The following NTM variants were observed in gnomAD, a reference collection of about 807,000 sequenced individuals.
NTM encodes the protein IgLON family member 2.
Under a neutral mutation model 42.1 loss-of-function variants are expected in NTM, and 13 were observed. The ratio of observed to expected loss-of-function variants is 0.31; its 90% CI spans 0.20 to 0.49. The LOEUF (loss-of-function observed/expected upper bound fraction) is 0.49. Among genes scored for constraint, NTM ranks in the 20% least tolerant of loss-of-function variants. NTM has a pLI of 0.99. For missense variants in NTM, 373 were observed against 452.8 expected (o/e 0.82, Z 1.60); for synonymous variants, 187 against 179.2 (o/e 1.04, Z -0.35).
chr11:132,313,991 AATG>A (rs2095354658), intron 6 of NTM, among the ~76,000 whole-genome samples: 1 of 152,230 alleles, frequency 6.6e-6, no homozygotes, highest in African/African-American at 2.4e-5. Context: ...AAAATGAGAA[AATG>A]ATGATTTTTC....
intron 1 of NTM, among the ~76,000 whole-genome samples, chr11:131,541,491 A>G (rs2053246162): frequency 6.6e-6 from 1 of 152,240 alleles, no homozygotes; most frequent in Non-Finnish European, 1.5e-5. Flanking sequence ...TAAATGAGCT[A>G]TGTAAACCTA....
intron 1 of NTM, among the ~76,000 whole-genome samples, chr11:131,371,459 C>T (rs974225796): frequency 2.0e-5 from 3 of 151,966 alleles, no homozygotes; most frequent in African/African-American, 7.3e-5. Context: ...TAAATGTGTT[C>T]GGGGGTGTGT....
chr11:131,794,804 T>A, intron 1 of NTM: 1 of 985,408 alleles, frequency 1.0e-6, no homozygotes, highest in Non-Finnish European at 1.2e-6. Flanking sequence ...TGGAAGCCCC[T>A]ACCTAGATTA....
intron 2 of NTM, among the ~76,000 whole-genome samples, chr11:132,060,470 G>T (rs1368596277): frequency 7.4e-6 from 1 of 134,408 alleles, no homozygotes; most frequent in Non-Finnish European, 1.8e-5. Context: ...ACATAGCAGT[G>T]AGAGAAACTG....
chr11:131,856,385 A>G (rs11827438), intron 1 of NTM, among the ~76,000 whole-genome samples: 1,559 of 152,312 alleles, frequency 0.01, 11 homozygotes, highest in Middle Eastern at 0.054. Context: ...AACGAATAAT[A>G]CTCATTTCTT....
chr11:132,038,837 G>A lies in NTM; in HGVS notation c.168-107445G>A, dbSNP rs570238806. On this transcript the variant is annotated intron_variant, in intron 2 of 8. Transcript: ENST00000683400. Reference sequence around the variant, plus strand: ...CTTCCTCACGTCCCTGTGTCCCTCCGTCCCTCCTGCACTCAGCGTCTCCCT... The same window carrying A: ...CTTCCTCACGTCCCTGTGTCCCTCCATCCCTCCTGCACTCAGCGTCTCCCT... 7.2e-5 allele frequency among the ~76,000 whole-genome samples: 11 copies of A among 152,206 alleles called. 1 individual carries two copies. Among genetic ancestry groups the A allele is most frequent in the Admixed American group, 3.3e-4 (5 of 15,288 alleles).
chr11:131,942,016 T>C (rs754544040), intron 2 of NTM, among the ~76,000 whole-genome samples: 1 of 152,216 alleles, frequency 6.6e-6, no homozygotes, highest in Non-Finnish European at 1.5e-5. Flanking sequence ...CTTCTGGAGA[T>C]ATTTATTGAT....
intron 2 of NTM, among the ~76,000 whole-genome samples, chr11:132,118,367 G>C (rs2064202849): frequency 6.6e-6 from 1 of 152,192 alleles, no homozygotes; most frequent in Admixed American, 6.5e-5. Context: ...CAATTTGAGA[G>C]GGCTGAGCAT....
intron 1 of NTM, among the ~76,000 whole-genome samples, chr11:131,416,960 A>G (rs1233235467): frequency 2.6e-5 from 4 of 152,208 alleles, no homozygotes; most frequent in Non-Finnish European, 4.4e-5. Context: ...CAATTTCAAT[A>G]TTAGCACGTA....
chr11:131,614,386 T>C (rs576668191), intron 1 of NTM, among the ~76,000 whole-genome samples: 5 of 152,352 alleles, frequency 3.3e-5, no homozygotes, highest in African/African-American at 1.2e-4. Context: ...GCTCTGTTAT[T>C]AGCAATTACA....
chr11:132,174,637 G>A (rs76638826), intron 3 of NTM, among the ~76,000 whole-genome samples: 2,665 of 152,238 alleles, frequency 0.018, 84 homozygotes, highest in African/African-American at 0.06. Context: ...CTTTCTCTGA[G>A]TGGTGTGATT....
At chr11:132,317,597 A>ATATAATAT in intron 7 of NTM, 1 of 997,866 alleles carries the variant, frequency 1.0e-6, no homozygotes, top group Non-Finnish European at 1.4e-6. Context: ...ATAGCACTGT[A>ATATAATAT]TATAATATAT....
At chr11:132,139,002 A>T (rs2068544808) in intron 2 of NTM, among the ~76,000 whole-genome samples, 1 of 152,216 alleles carries the variant, frequency 6.6e-6, no homozygotes, top group Admixed American at 6.5e-5. Context: ...CACTCACTGA[A>T]GTCCAAGCTC....
At chr11:132,306,007 C>T (rs1040362842) in intron 4 of NTM, among the ~76,000 whole-genome samples, 1 of 152,182 alleles carries the variant, frequency 6.6e-6, no homozygotes, top group Non-Finnish European at 1.5e-5. Flanking sequence ...AAGAAACCGT[C>T]TGTACATACA....
At chr11:131,402,980 T>C (rs1329274136) in intron 1 of NTM, among the ~76,000 whole-genome samples, 2 of 152,246 alleles carry the variant, frequency 1.3e-5, no homozygotes, top group Middle Eastern at 3.2e-3. Context: ...GCAGCTGCTC[T>C]TCATTAGGCT....
intron 2 of NTM, among the ~76,000 whole-genome samples, chr11:132,045,413 A>G (rs1464491130): frequency 6.6e-6 from 1 of 152,218 alleles, no homozygotes; most frequent in African/African-American, 2.4e-5. Context: ...CTCTTTAAAA[A>G]TTAATAACAT....
chr11:132,265,320 T>G (rs1048031904), intron 4 of NTM, among the ~76,000 whole-genome samples: 1 of 152,256 alleles, frequency 6.6e-6, no homozygotes, highest in African/African-American at 2.4e-5. Flanking sequence ...GAGATGGTTT[T>G]GTACGCAAAC....
At chr11:132,006,805 T>C (rs188412210) in intron 2 of NTM, among the ~76,000 whole-genome samples, 1 of 152,314 alleles carries the variant, frequency 6.6e-6, no homozygotes, top group African/African-American at 2.4e-5. Context: ...TCCTCTGTGG[T>C]TATAGAATAG....
intron 2 of NTM, among the ~76,000 whole-genome samples, chr11:132,046,639 C>A (rs1032722263): frequency 2.6e-5 from 4 of 152,168 alleles, no homozygotes; most frequent in Non-Finnish European, 4.4e-5. Context: ...TTTCCGGGAA[C>A]ATGCTGAGTA....
Sources: gnomAD v4.1 joint callset for allele counts (sites outside exome capture counted in the v4.1 genomes callset) on GRCh38, gnomAD v4.1.1 for gene constraint, MANE v1.5 for transcripts, NCBI Gene and HGNC (gene_info 2026-07-23, HGNC 2026-07-21) for gene names.